Variants in ETS2 observed in about 807,000 individuals in gnomAD.
ETS2 encodes ETS proto-oncogene 2, transcription factor, also known as protein C-ets-2.
In ETS2, 19 loss-of-function variants were observed where a neutral mutation model predicts 54.9. The ratio of observed to expected loss-of-function variants is 0.35; its 90% CI spans 0.24 to 0.51. The LOEUF is 0.51. Among genes scored for constraint, ETS2 ranks in the 20% least tolerant of loss-of-function variants. ETS2 has a pLI of 0.97. For missense variants in ETS2, 417 were observed against 593.0 expected (o/e 0.70, Z 3.08); for synonymous variants, 219 against 229.3 (o/e 0.95, Z 0.41).
In ETS2 at chr21:38,814,026, C is replaced by T. The variant is rs2060923121; in HGVS notation, c.185-247C>T. Among the ~76,000 whole-genome samples, 1 of 152,102 alleles carries T rather than the reference C, an allele frequency of 6.6e-6. No homozygotes were observed. Among genetic ancestry groups the T allele is most frequent in the Non-Finnish European group, 1.5e-5 (1 of 68,024 alleles). On this transcript the variant is annotated intron_variant, in intron 3 of 9. Transcript: ENST00000360938. This position sits in a 1 kb window ranked among gnomAD's most constrained non-coding sequence, Gnocchi z 4.2. The stretch of plus-strand genomic sequence containing the variant: ...TTCCCTACGCACAACTGCTTTGTGA[C>T]GCTTTGCAAAATAGAATCAAATCTG...
chr21:38,817,178 GCCA>G, intron 6 of ETS2, 87 bp downstream of exon 6: 1 of 846,696 alleles, frequency 1.2e-6, no homozygotes, highest in South Asian at 1.5e-5. Context: ...CTCCTAAGGG[GCCA>G]CCTAGACCTG....
At chr21:38,822,108 C>A (rs1371159676) in intron 9 of ETS2, among the ~76,000 whole-genome samples, 1 of 152,160 alleles carries the variant, frequency 6.6e-6, no homozygotes, top group African/African-American at 2.4e-5. Context: ...TTGACCCCAG[C>A]CCTGCAGAGT....
Position 38,822,762 on chromosome 21 carries a change from A to ACC in ETS2, c.1284_1285insCC (p.Ile429ProfsTer96). 6.2e-7 allele frequency: 1 copy of ACC among 1,614,234 alleles called. No homozygotes were observed. The highest frequency in any genetic ancestry group is 8.5e-7 in the Non-Finnish European group (1 of 1,180,034). On this transcript the variant is annotated frameshift_variant, in exon 10 of 10. Transcript: ENST00000360938. LOFTEE classifies it high-confidence loss of function. Reference sequence around the variant, plus strand: ...GGCTTACGCTACTATTACGACAAGAACATCATCCACAAGACGTCGGGGAAG... The same window carrying ACC: ...GGCTTACGCTACTATTACGACAAGAACCCATCATCCACAAGACGTCGGGGAAG...
Position 38,814,304 on chromosome 21 carries a change from C to T in ETS2, c.216C>T (p.Thr72=). 6.2e-7 allele frequency: 1 copy of T among 1,614,038 alleles called. No individual in the cohort carries two copies. The change falls in exon 4 of 10, where the codon ACC becomes ACT. Residue 72 remains threonine (T), a synonymous_variant. Transcript: ENST00000360938. This position sits in a 1 kb window ranked among gnomAD's most constrained non-coding sequence, Gnocchi z 4.2. ...DSANCELPLL[T]PCSKAVMSQA... ...CCAACTGTGAATTGCCTTTGTTAAC[C>T]CCGTGCAGCAAGGCTGTGATGAGTC...
At chr21:38,809,729 A>AG (rs2060906741) in intron 1 of ETS2, 2 of 280,742 alleles carry the variant, frequency 7.1e-6, no homozygotes, top group African/African-American at 2.3e-5. Flanking sequence ...TGCCCTGCTA[A>AG]CCCAGCAAGG....
upstream of ETS2, chr21:38,805,588 G>A: frequency 1.6e-6 from 2 of 1,272,134 alleles, no homozygotes; most frequent in Non-Finnish European, 2.0e-6. The surrounding 1 kb of genome is among the most constrained non-coding windows in gnomAD (Gnocchi z 5.2). Flanking sequence ...GAGGGACCCA[G>A]CCGAGTGACA....
At position 38,821,917 on chromosome 21, in the gene ETS2, G is replaced by A. The variant is rs2060959740; in HGVS notation, c.1194+213G>A. Among the ~76,000 whole-genome samples the A allele has an allele frequency of 6.6e-6, 1 of 152,188 alleles. No individual in the cohort carries two copies. Among genetic ancestry groups the A allele is most frequent in the Admixed American group, 6.5e-5 (1 of 15,276 alleles). ...TTTTCTGGGTATGCTTCATACAAGG[G>A]CGTTGCACAGATTTCACTGTCTTGA... On this transcript the variant is annotated intron_variant, in intron 9 of 9. Coordinates refer to ENST00000360938, the MANE Select transcript of ETS2 (RefSeq NM_005239.6). This position sits in a 1 kb window ranked among gnomAD's most constrained non-coding sequence, Gnocchi z 4.2.
At chr21:38,807,417 C>CCT (rs2060897849) in intron 1 of ETS2, among the ~76,000 whole-genome samples, 1 of 133,366 alleles carries the variant, frequency 7.5e-6, no homozygotes, top group Non-Finnish European at 1.6e-5. Context: ...GCTCTTTATC[C>CCT]TTTTTTTTTT....
chr21:38,822,909 AG>A lies in ETS2; in HGVS notation c.*21del. The A allele has an allele frequency of 2.0e-6, 3 of 1,533,642 alleles. No homozygotes were observed. Among genetic ancestry groups the A allele is most frequent in the Non-Finnish European group, 2.6e-6 (3 of 1,138,114 alleles). ...GACTGAGGTCGCCGGGACCACCCTG[AG>A]CCGGCCCCAGGCTCGTGGACTGAGT... is the stretch of plus-strand genomic sequence containing the variant. On this transcript the variant is annotated 3_prime_UTR_variant, in exon 10 of 10. Coordinates refer to ENST00000360938, the MANE Select transcript of ETS2 (RefSeq NM_005239.6).
At chr21:38,822,187 G>A (rs773905717) in intron 9 of ETS2, among the ~76,000 whole-genome samples, 22 of 152,198 alleles carry the variant, frequency 1.4e-4, no homozygotes, top group Non-Finnish European at 1.6e-4. Flanking sequence ...CCAGAAAAGC[G>A]TTAGAGAGAA....
intron 3 of ETS2, among the ~76,000 whole-genome samples, chr21:38,813,379 G>C (rs890675197): frequency 6.6e-6 from 1 of 152,130 alleles, no homozygotes; most frequent in Non-Finnish European, 1.5e-5. Context: ...TGCCCCTCCT[G>C]GATGTTTTCA....
At chr21:38,820,379 T>TA (rs1225845985) in intron 8 of ETS2, among the ~76,000 whole-genome samples, 1 of 152,292 alleles carries the variant, frequency 6.6e-6, no homozygotes, top group Non-Finnish European at 1.5e-5. Flanking sequence ...TTACCTAACT[T>TA]AAAAAAATCT....
chr21:38,816,866 A>G (rs1039637672), intron 5 of ETS2, 142 bp from the exon 6 acceptor site: 3 of 548,724 alleles, frequency 5.5e-6, no homozygotes, highest in Non-Finnish European at 9.7e-6. Flanking sequence ...AGGGACGTGG[A>G]GCACCATGAG....
Position 38,821,265 on chromosome 21 carries a change from C to T in ETS2, c.1076-321C>T, listed in dbSNP as rs924665884. Among the ~76,000 whole-genome samples the T allele has an allele frequency of 9.9e-5, 15 of 152,116 alleles. No individual in the cohort carries two copies. The highest frequency in any genetic ancestry group is 3.4e-4 in the African/African-American group (14 of 41,416). ...TTAAACCAGATGGGGAATTTTAATGCCAAGAGTTGGTGGCCCTAAACTTTC... is the reference window on the plus strand; with the variant it reads ...TTAAACCAGATGGGGAATTTTAATGTCAAGAGTTGGTGGCCCTAAACTTTC... On this transcript the variant is annotated intron_variant, in intron 8 of 9. Transcript: ENST00000360938. This position sits in a 1 kb window ranked among gnomAD's most constrained non-coding sequence, Gnocchi z 4.2.
At chr21:38,815,278 G>A (rs2060928819) in intron 5 of ETS2, among the ~76,000 whole-genome samples, 1 of 151,910 alleles carries the variant, frequency 6.6e-6, no homozygotes, top group African/African-American at 2.4e-5. Flanking sequence ...TATTCATCAC[G>A]GGAGTCCATG....
upstream of ETS2, chr21:38,805,840 C>T (rs138866678): frequency 4.0e-4 from 436 of 1,078,730 alleles, 4 homozygotes; most frequent in East Asian, 2.1e-3. This position sits in a 1 kb window ranked among gnomAD's most constrained non-coding sequence, Gnocchi z 5.2. Flanking sequence ...TCGTTTCCTC[C>T]CCTCCCCTCC....
At chr21:38,808,459 T>A (rs1209953) in intron 1 of ETS2, among the ~76,000 whole-genome samples, 45,031 of 152,164 alleles carry the variant, frequency 0.3, 7,740 homozygotes, top group Non-Finnish European at 0.4. Flanking sequence ...CATAGGACTA[T>A]TATTTATTGC....
Position 38,806,055 on chromosome 21 carries a change from C to G in ETS2, c.-66C>G, listed in dbSNP as rs1052352518. 9 of 1,183,880 alleles carry G rather than the reference C, an allele frequency of 7.6e-6. No individual in the cohort carries two copies. Among genetic ancestry groups the G allele is most frequent in the Non-Finnish European group, 9.5e-6 (9 of 943,074 alleles). 73.3% of individuals were successfully genotyped at this position (1,183,880 alleles called of 1,614,324 possible). ...GCCCTCGCCCTCGCCCGGCGCGCAC[C>G]GAGCAGCCGCGGGCGCCGAGCAGCC... On this transcript the variant is annotated 5_prime_UTR_variant, in exon 1 of 10. Transcript: ENST00000360938. This position sits in a 1 kb window ranked among gnomAD's most constrained non-coding sequence, Gnocchi z 4.3.
upstream of ETS2, chr21:38,805,709 C>T: frequency 9.1e-6 from 10 of 1,097,254 alleles, no homozygotes; most frequent in East Asian, 6.4e-5. This position sits in a 1 kb window ranked among gnomAD's most constrained non-coding sequence, Gnocchi z 5.2. Flanking sequence ...CCTCTCCCTC[C>T]GCTCCCCCAA....
Sources: gnomAD v4.1 joint callset for allele counts (sites outside exome capture counted in the v4.1 genomes callset) on GRCh38, gnomAD v4.1.1 for gene constraint, Gnocchi (gnomAD v3.1) non-coding constraint, MANE v1.5 for transcripts, NCBI Gene and HGNC (gene_info 2026-07-23, HGNC 2026-07-21) for gene names.